Variants in PIRT observed in about 807,000 individuals in gnomAD.
The protein encoded by PIRT is phosphoinositide interacting regulator of transient receptor potential channels, also known as phosphoinositide-interacting protein.
PIRT carries 6 observed loss-of-function variants against 7.9 expected under a neutral mutation model. The ratio of observed to expected loss-of-function variants is 0.76; its 90% CI spans 0.42 to 1.51. The LOEUF is 1.51. Ranked by LOEUF, PIRT falls within the 40% of genes most tolerant of loss-of-function variation. The pLI is 0.01. For synonymous variants in PIRT, 78 were observed against 71.8 expected (o/e 1.09, Z -0.44); for missense variants, 170 against 172.9 (o/e 0.98, Z 0.09).
chr17:10,824,310 A>G lies in PIRT; in HGVS notation c.*922T>C, dbSNP rs367818831. The G allele has an allele frequency of 1.3e-4, 20 of 152,220 alleles. No individual in the cohort carries two copies. The highest frequency in any genetic ancestry group is 4.3e-4 in the African/African-American group (18 of 41,450). The allele number at this position is 152,220 out of a possible 1,614,324, so 9.4% of individuals were successfully genotyped here. On this transcript the variant is annotated 3_prime_UTR_variant, in exon 2 of 2. Coordinates refer to ENST00000580256, the MANE Select transcript of PIRT (RefSeq NM_001101387.2). The stretch of plus-strand genomic sequence containing the variant: ...GTGAATTCCATCTCTAGAAACCTAC[A>G]GATCATTCAGATATGGAACTTGATT...
At position 10,825,502 on chromosome 17, in the gene PIRT, G is replaced by C. The variant is rs1352766854; in HGVS notation, c.144C>G (p.Asn48Lys). 1.9e-6 allele frequency: 3 copies of C among 1,613,838 alleles called. No individual in the cohort carries two copies. Among genetic ancestry groups the C allele is most frequent in the Middle Eastern group, 1.7e-4 (1 of 6,060 alleles). ...ESVWTTTPRS[N>K]WEIYRKPIVI... The stretch of plus-strand genomic sequence containing the variant: ...CGATGGGCTTGCGGTAGATTTCCCA[G>C]TTACTCCTGGGGGTGGTGGTCCAGA... Residue 48 changes from asparagine (N) to lysine (K), a missense_variant, in exon 2 of 2, where the codon AAC becomes AAG. Transcript: ENST00000580256.
Position 10,825,263 on chromosome 17 carries a change from C to A in PIRT, c.383G>T (p.Arg128Leu). The A allele has an allele frequency of 6.2e-7, 1 of 1,613,934 alleles. No homozygotes were observed. Among genetic ancestry groups the A allele is most frequent in the African/African-American group, 1.3e-5 (1 of 75,026 alleles). Residue 128 changes from arginine (R) to leucine (L), a missense_variant, in exon 2 of 2, where the codon CGC becomes CTC. Transcript: ENST00000580256. ...AGTCAGGAAGAAGGACTTGAGGCTG[C>A]GTAAGAAATTCGACTTCTGTCTGTG... is the stretch of plus-strand genomic sequence containing the variant. Reference protein sequence around the residue: ...QKHRQKSNFLRSLKSFFLTR With the variant: ...QKHRQKSNFLLSLKSFFLTR
chr17:10,834,055 T>C (rs1020804950), intron 1 of PIRT, among the ~76,000 whole-genome samples: 1 of 152,080 alleles, frequency 6.6e-6, no homozygotes, highest in Admixed American at 6.5e-5. Context: ...TAAATATACA[T>C]CTACCCTTTG....
chr17:10,834,679 C>T (rs1343068712), intron 1 of PIRT, among the ~76,000 whole-genome samples: 3 of 152,148 alleles, frequency 2.0e-5, no homozygotes, highest in African/African-American at 7.2e-5. Flanking sequence ...GCAACCTCTG[C>T]CTCCCGGGTT....
chr17:10,834,338 G>T (rs1240018198), intron 1 of PIRT, among the ~76,000 whole-genome samples: 1 of 152,192 alleles, frequency 6.6e-6, no homozygotes, highest in African/African-American at 2.4e-5. Flanking sequence ...ACACAGACAT[G>T]CTGGGTGGAA....
intron 1 of PIRT, among the ~76,000 whole-genome samples, chr17:10,836,944 C>T (rs9895350): frequency 0.034 from 5,196 of 152,254 alleles, 281 homozygotes; most frequent in African/African-American, 0.12. Context: ...CCCCACGGTC[C>T]CTTATCTTCT....
At position 10,825,068 on chromosome 17, in the gene PIRT, G is replaced by C. The variant is rs771163564; in HGVS notation, c.*164C>G. The C allele has an allele frequency of 1.1e-6, 1 of 878,664 alleles. No individual in the cohort carries two copies. Among genetic ancestry groups the C allele is most frequent in the African/African-American group, 1.7e-5 (1 of 58,780 alleles). 54.4% of individuals were successfully genotyped at this position (878,664 alleles called of 1,614,324 possible). A position where few individuals can be genotyped will look rare whatever the true frequency, so the allele number is the denominator to read the frequency against. ...AGTGGATACATCTGGCAACATTCCC[G>C]GCTGCATGGAGGGTGGAGCCCCAAG... On this transcript the variant is annotated 3_prime_UTR_variant, in exon 2 of 2. Transcript: ENST00000580256.
chr17:10,830,497 A>G (rs1905439551), intron 1 of PIRT, among the ~76,000 whole-genome samples: 1 of 152,150 alleles, frequency 6.6e-6, no homozygotes, highest in Admixed American at 6.5e-5. Context: ...TGGAGTGTCT[A>G]CCTCATAGGG....
At chr17:10,829,965 G>A (rs867657499) in intron 1 of PIRT, among the ~76,000 whole-genome samples, 89 of 149,596 alleles carry the variant, frequency 5.9e-4, no homozygotes, top group African/African-American at 1.8e-3. Context: ...ATGTCTGTCT[G>A]TCTATCTATC....
At chr17:10,834,306 C>T (rs114632543) in intron 1 of PIRT, among the ~76,000 whole-genome samples, 1,617 of 152,218 alleles carry the variant, frequency 0.011, 31 homozygotes, top group African/African-American at 0.036. Flanking sequence ...ACTTCTGAAG[C>T]GCACAACAGC....
chr17:10,827,460 C>CTTTTTTTTT (rs1905352594), intron 1 of PIRT, among the ~76,000 whole-genome samples: 1 of 66,968 alleles, frequency 1.5e-5, no homozygotes, highest in Non-Finnish European at 2.9e-5. Flanking sequence ...CTTTCTTTTT[C>CTTTTTTTTT]TTTTCTTTTT....
intron 1 of PIRT, among the ~76,000 whole-genome samples, chr17:10,828,620 G>A (rs985118857): frequency 6.6e-6 from 1 of 152,154 alleles, no homozygotes; most frequent in African/African-American, 2.4e-5. Context: ...ACATGTATCA[G>A]GGCTTGGGAG....
chr17:10,826,800 G>A (rs1905328298), intron 1 of PIRT, among the ~76,000 whole-genome samples: 3 of 152,170 alleles, frequency 2.0e-5, no homozygotes, highest in Admixed American at 1.3e-4. Flanking sequence ...TGATGTCACA[G>A]GTTCACAGTG....
chr17:10,832,509 C>A (rs1905486608), intron 1 of PIRT, among the ~76,000 whole-genome samples: 1 of 152,120 alleles, frequency 6.6e-6, no homozygotes, highest in Non-Finnish European at 1.5e-5. Flanking sequence ...TGATTCCTGA[C>A]CTAGCAGCTG....
intron 1 of PIRT, among the ~76,000 whole-genome samples, chr17:10,832,005 A>T (rs1233870893): frequency 1.3e-5 from 2 of 152,236 alleles, no homozygotes. Context: ...TGGCACCAAG[A>T]AACAGTGCCA....
At chr17:10,826,915 C>T (rs548970108) in intron 1 of PIRT, among the ~76,000 whole-genome samples, 55 of 152,150 alleles carry the variant, frequency 3.6e-4, no homozygotes, top group Admixed American at 9.2e-4. Flanking sequence ...CGGGTTCAAA[C>T]GATCCTCCTG....
At chr17:10,827,398 C>T (rs1187234291) in intron 1 of PIRT, among the ~76,000 whole-genome samples, 1 of 151,644 alleles carries the variant, frequency 6.6e-6, no homozygotes, top group Non-Finnish European at 1.5e-5. Context: ...CTTCACCAGA[C>T]CAGTGCTTTC....
chr17:10,836,179 A>C (rs1905587260), intron 1 of PIRT, among the ~76,000 whole-genome samples: 1 of 152,220 alleles, frequency 6.6e-6, no homozygotes, highest in Non-Finnish European at 1.5e-5. Flanking sequence ...CTAGGATTAC[A>C]GGCGTGAGCT....
At chr17:10,837,527 C>A (rs1905620797) in intron 1 of PIRT, among the ~76,000 whole-genome samples, 1 of 152,198 alleles carries the variant, frequency 6.6e-6, no homozygotes, top group Middle Eastern at 3.2e-3. Context: ...CCCATGTACT[C>A]TGGGGTCTGG....
Sources: gnomAD v4.1 joint callset for allele counts (sites outside exome capture counted in the v4.1 genomes callset) on GRCh38, gnomAD v4.1.1 for gene constraint, MANE v1.5 for transcripts, NCBI Gene and HGNC (gene_info 2026-07-23, HGNC 2026-07-21) for gene names.